The following TMPRSS15 variants were observed in gnomAD, a reference collection of about 807,000 sequenced individuals.
TMPRSS15 encodes enteropeptidase.
A neutral mutation model predicts 125.3 loss-of-function variants in TMPRSS15; 128 were observed. The observed-to-expected ratio is 1.02, with a 90% CI of 0.89 to 1.18. The LOEUF (loss-of-function observed/expected upper bound fraction) is 1.18, where lower values mean the gene tolerates loss of function less well. Among genes scored for constraint, TMPRSS15 ranks in the 50% most tolerant of loss-of-function variants. TMPRSS15 has a pLI of 0.00. For synonymous variants in TMPRSS15, 446 were observed against 423.2 expected (o/e 1.05, Z -0.66); for missense variants, 1,283 against 1,212.7 (o/e 1.06, Z -0.86).
intron 1 of TMPRSS15, among the ~76,000 whole-genome samples, chr21:18,440,372 C>CAAAAAAAAAAAAAAAAAA (rs539968323): frequency 3.2e-4 from 15 of 47,408 alleles, no homozygotes; most frequent in African/African-American, 5.0e-4. Flanking sequence ...AACTCCGTCT[C>CAAAAAAAAAAAAAAAAAA]AAAAAAAAAA....
chr21:18,360,329 A>C (rs993780102), intron 7 of TMPRSS15, among the ~76,000 whole-genome samples: 1 of 152,046 alleles, frequency 6.6e-6, no homozygotes, highest in East Asian at 1.9e-4. Flanking sequence ...TTGTTCAATC[A>C]TCGGATTATG....
At chr21:18,407,949 T>C (rs781709814), upstream of TMPRSS15, among the ~76,000 whole-genome samples, 14 of 152,114 alleles carry the variant, frequency 9.2e-5, no homozygotes, top group Non-Finnish European at 1.6e-4. Context: ...ATTTTGGTAA[T>C]AGGAATGACA....
At chr21:18,421,406 T>C (rs916014071) in intron 1 of TMPRSS15, among the ~76,000 whole-genome samples, 1 of 152,192 alleles carries the variant, frequency 6.6e-6, no homozygotes, top group African/African-American at 2.4e-5. Flanking sequence ...TACTTAATTT[T>C]CCTGAATTTT....
intron 1 of TMPRSS15, among the ~76,000 whole-genome samples, chr21:18,445,034 G>C (rs896802078): frequency 6.6e-6 from 1 of 152,078 alleles, no homozygotes; most frequent in Non-Finnish European, 1.5e-5. Context: ...TTTGCAACAA[G>C]CTAATGTTTC....
chr21:18,377,586 T>C (rs1466583512), intron 5 of TMPRSS15, among the ~76,000 whole-genome samples: 1 of 152,176 alleles, frequency 6.6e-6, no homozygotes, highest in African/African-American at 2.4e-5. Flanking sequence ...ATAGGCTAGA[T>C]AGCTTGCCAA....
intron 19 of TMPRSS15, among the ~76,000 whole-genome samples, 197 bp from the exon 20 acceptor site, chr21:18,294,849 T>C (rs1376289063): frequency 6.6e-6 from 1 of 152,226 alleles, no homozygotes; most frequent in Non-Finnish European, 1.5e-5. Context: ...ATCCTTATTC[T>C]ACCATTTCTA....
chr21:18,341,267 C>T (rs1049945164), intron 13 of TMPRSS15, 146 bp downstream of exon 13: 19 of 931,082 alleles, frequency 2.0e-5, no homozygotes, highest in Middle Eastern at 2.5e-4. Flanking sequence ...GACAGAGTCT[C>T]GCTGTAATCC....
chr21:18,330,492 G>A (rs1321677306), intron 14 of TMPRSS15, among the ~76,000 whole-genome samples: 1 of 152,080 alleles, frequency 6.6e-6, no homozygotes. Context: ...TCAAGAAACA[G>A]TTGTCTCCTA....
At chr21:18,451,832 C>A (rs1429254109) in intron 1 of TMPRSS15, among the ~76,000 whole-genome samples, 1 of 151,920 alleles carries the variant, frequency 6.6e-6, no homozygotes, top group East Asian at 1.9e-4. Context: ...GAGTTTAGAG[C>A]CAAAGATGAT....
chr21:18,328,225 C>A (rs914955589), intron 15 of TMPRSS15, among the ~76,000 whole-genome samples: 1 of 152,038 alleles, frequency 6.6e-6, no homozygotes, highest in African/African-American at 2.4e-5. Flanking sequence ...TACAAGAGTA[C>A]ACTCTCCCTA....
At chr21:18,431,836 T>C (rs890287344) in intron 1 of TMPRSS15, among the ~76,000 whole-genome samples, 2 of 152,116 alleles carry the variant, frequency 1.3e-5, no homozygotes, top group African/African-American at 2.4e-5. Context: ...GAAATGAAAA[T>C]GAAATGTACC....
intron 1 of TMPRSS15, among the ~76,000 whole-genome samples, chr21:18,430,188 G>A (rs1294630025): frequency 1.3e-5 from 2 of 152,148 alleles, no homozygotes; most frequent in Non-Finnish European, 2.9e-5. Flanking sequence ...ACTGTTAGAT[G>A]TGTATCAATG....
At chr21:18,305,277 C>T (rs1369884111) in intron 18 of TMPRSS15, among the ~76,000 whole-genome samples, 7 of 150,668 alleles carry the variant, frequency 4.6e-5, no homozygotes, top group African/African-American at 2.5e-5. Flanking sequence ...CAAGCTCCGC[C>T]TCCCGGGTTC....
chr21:18,421,323 T>C (rs1056120878), intron 1 of TMPRSS15, among the ~76,000 whole-genome samples: 8 of 152,190 alleles, frequency 5.3e-5, no homozygotes, highest in African/African-American at 1.7e-4. Flanking sequence ...GTTGAAAGTA[T>C]TGGTTCTGGG....
In TMPRSS15 at chr21:18,403,516, A is replaced by AT; in HGVS notation, c.106dup (p.Ile36AsnfsTer22). On this transcript the variant is annotated frameshift_variant, in exon 1 of 25. Transcript: ENST00000284885. LOFTEE classifies it high-confidence loss of function. ...CTTGATTGTCAGGCAGGATACTGCA[A>AT]TTAATCCAGCACAGAGCACTACCAA... is the stretch of plus-strand genomic sequence containing the variant. 2 of 1,614,196 alleles carry AT rather than the reference A, an allele frequency of 1.2e-6. No individual in the cohort carries two copies. The highest frequency in any genetic ancestry group is 1.7e-6 in the Non-Finnish European group (2 of 1,180,018).
At chr21:18,423,584 A>ATT (rs1050685511) in intron 1 of TMPRSS15, among the ~76,000 whole-genome samples, 44 of 133,390 alleles carry the variant, frequency 3.3e-4, no homozygotes, top group African/African-American at 1.1e-3. Context: ...AATTTTTTGT[A>ATT]TTTTTTTTTT....
chr21:18,385,538 C>T (rs1379123242), intron 3 of TMPRSS15, among the ~76,000 whole-genome samples: 1 of 152,118 alleles, frequency 6.6e-6, no homozygotes, highest in Non-Finnish European at 1.5e-5. Context: ...AGTAGATTAC[C>T]ACCCTTCGTT....
chr21:18,314,012 A>G (rs147622770), intron 17 of TMPRSS15, among the ~76,000 whole-genome samples: 1 of 152,288 alleles, frequency 6.6e-6, no homozygotes, highest in African/African-American at 2.4e-5. Flanking sequence ...GTGGCCAGGT[A>G]GGGACTGGAC....
chr21:18,313,893 CA>C (rs5842679), intron 17 of TMPRSS15, among the ~76,000 whole-genome samples: 19,935 of 129,736 alleles, frequency 0.15, 1,445 homozygotes, highest in Admixed American at 0.25. Flanking sequence ...CCCTCCCCAC[CA>C]AAAAAAAAAA....
Sources: gnomAD v4.1 joint callset for allele counts (sites outside exome capture counted in the v4.1 genomes callset) on GRCh38, gnomAD v4.1.1 for gene constraint, MANE v1.5 for transcripts, NCBI Gene and HGNC (gene_info 2026-07-23, HGNC 2026-07-21) for gene names.